The following EFCAB11 variants were observed in gnomAD, a reference collection of about 807,000 sequenced individuals.
EFCAB11 encodes the protein EF-hand calcium-binding domain-containing protein 11.
In EFCAB11, 14 loss-of-function variants were observed where a neutral mutation model predicts 23.0. That is an observed-to-expected ratio of 0.61 (90% CI 0.40 to 0.95). The LOEUF is 0.95. Among genes scored for constraint, EFCAB11 ranks in the 40% least tolerant of loss-of-function variants. The pLI is 0.00. For missense variants in EFCAB11, 198 were observed against 195.8 expected (o/e 1.01, Z -0.07); for synonymous variants, 65 against 66.6 (o/e 0.98, Z 0.11).
chr14:89,906,384 C>A (rs1249031375), intron 5 of EFCAB11, among the ~76,000 whole-genome samples: 1 of 152,060 alleles, frequency 6.6e-6, no homozygotes, highest in East Asian at 1.9e-4. Flanking sequence ...ATTCTAATGG[C>A]AGTCCTTGTA....
intron 5 of EFCAB11, among the ~76,000 whole-genome samples, chr14:89,809,184 C>T (rs1466412463): frequency 6.6e-6 from 1 of 152,204 alleles, no homozygotes; most frequent in Non-Finnish European, 1.5e-5. Flanking sequence ...TGTGCTGAAA[C>T]TGGTGTGCCA....
At chr14:89,893,802 A>C (rs569921674) in intron 5 of EFCAB11, among the ~76,000 whole-genome samples, 40 of 151,852 alleles carry the variant, frequency 2.6e-4, no homozygotes, top group South Asian at 6.2e-4. Flanking sequence ...AACAAACAAA[A>C]AAAAAGATAA....
At chr14:89,825,102 CAAAAAAAAAA>C (rs35074143) in intron 5 of EFCAB11, among the ~76,000 whole-genome samples, 2 of 60,242 alleles carry the variant, frequency 3.3e-5, no homozygotes, top group Non-Finnish European at 7.1e-5. Context: ...ATGCTGGGAC[CAAAAAAAAAA>C]AAAAAAAAAA....
intron 5 of EFCAB11, among the ~76,000 whole-genome samples, chr14:89,919,214 G>C (rs1408051759): frequency 1.3e-5 from 2 of 151,962 alleles, no homozygotes; most frequent in Non-Finnish European, 2.9e-5. Context: ...CAGAGAGAGA[G>C]AGAGAGAGAG....
intron 5 of EFCAB11, among the ~76,000 whole-genome samples, chr14:89,916,934 G>A (rs1224763763): frequency 2.0e-5 from 3 of 151,994 alleles, no homozygotes; most frequent in Admixed American, 6.6e-5. Context: ...ATTTTTTGAG[G>A]TATGACTGAC....
intron 5 of EFCAB11, chr14:89,836,367 C>A: frequency 2.9e-6 from 1 of 339,892 alleles, no homozygotes; most frequent in Non-Finnish European, 5.8e-6. Context: ...GACCACATTC[C>A]AGGTACCTGG....
intron 3 of EFCAB11, among the ~76,000 whole-genome samples, chr14:89,936,697 T>C (rs1185988660): frequency 1.3e-5 from 2 of 152,228 alleles, no homozygotes. Flanking sequence ...GAGGAGTTTT[T>C]GTTCAGCTCG....
chr14:89,837,020 C>T (rs1192010228), intron 5 of EFCAB11: 1 of 455,870 alleles, frequency 2.2e-6, no homozygotes, highest in Admixed American at 2.4e-5. Flanking sequence ...ATACACTTGC[C>T]TGAGAATCTG....
At chr14:89,816,313 T>G (rs1249800422) in intron 5 of EFCAB11, among the ~76,000 whole-genome samples, 1 of 152,154 alleles carries the variant, frequency 6.6e-6, no homozygotes, top group Non-Finnish European at 1.5e-5. Context: ...TCTAAATATG[T>G]TGTCAGCAAA....
At chr14:89,826,731 T>C (rs1326304846) in intron 5 of EFCAB11, among the ~76,000 whole-genome samples, 2 of 152,076 alleles carry the variant, frequency 1.3e-5, no homozygotes, top group Non-Finnish European at 2.9e-5. Flanking sequence ...AGAATGCCAC[T>C]AAAGGCAGAA....
At chr14:89,942,395 T>C (rs1425964439) in intron 3 of EFCAB11, among the ~76,000 whole-genome samples, 1 of 152,214 alleles carries the variant, frequency 6.6e-6, no homozygotes, top group Non-Finnish European at 1.5e-5. Context: ...AAGTATTTAT[T>C]ATTTTATTAT....
At chr14:89,873,025 T>TA (rs1888330200) in intron 5 of EFCAB11, among the ~76,000 whole-genome samples, 1 of 152,344 alleles carries the variant, frequency 6.6e-6, no homozygotes, top group South Asian at 2.1e-4. Flanking sequence ...GCCACTGTAT[T>TA]AGTCTGTTCT....
intron 5 of EFCAB11, among the ~76,000 whole-genome samples, chr14:89,827,628 C>CTTTTT (rs36007256): frequency 1.1e-4 from 12 of 105,116 alleles, no homozygotes; most frequent in East Asian, 7.0e-4. Context: ...TTTATTCACT[C>CTTTTT]TTTTTTTTTT....
intron 5 of EFCAB11, among the ~76,000 whole-genome samples, chr14:89,823,661 G>T (rs1026891943): frequency 1.1e-4 from 16 of 152,156 alleles, no homozygotes; most frequent in African/African-American, 3.4e-4. Flanking sequence ...AATAGAATTA[G>T]TTGACAAGAA....
intron 3 of EFCAB11, among the ~76,000 whole-genome samples, chr14:89,934,116 T>A (rs913699152): frequency 1.3e-5 from 2 of 152,026 alleles, no homozygotes. Context: ...CCACAGTAAA[T>A]AATTTGGGTT....
chr14:89,885,806 C>T (rs1888749584), intron 5 of EFCAB11, among the ~76,000 whole-genome samples: 1 of 148,660 alleles, frequency 6.7e-6, no homozygotes, highest in South Asian at 2.1e-4. Context: ...AAGACAGCAA[C>T]TAAAAGAAAG....
At chr14:89,909,487 G>A (rs760246830) in intron 5 of EFCAB11, among the ~76,000 whole-genome samples, 2 of 140,108 alleles carry the variant, frequency 1.4e-5, no homozygotes, top group Non-Finnish European at 3.0e-5. Context: ...GCTGAGGCAG[G>A]GAGAATAGCT....
In EFCAB11 at chr14:89,892,071, T is replaced by C. The variant is rs1888989002; in HGVS notation, c.410+39470A>G. ...AATGTGGTGGGTGTCCTGCTGGTCTTTGATGTGACAAACAGGAAGTCCTTT... is the reference window on the plus strand; with the variant it reads ...AATGTGGTGGGTGTCCTGCTGGTCTCTGATGTGACAAACAGGAAGTCCTTT... On this transcript the variant is annotated intron_variant, in intron 5 of 5. Transcript: ENST00000316738. 3.9e-6 allele frequency: 6 copies of C among 1,542,776 alleles called. No individual in the cohort carries two copies. The Admixed American group carries it at 9.9e-5, about 25-fold the overall frequency.
chr14:89,835,835 C>T (rs927575528), intron 5 of EFCAB11, among the ~76,000 whole-genome samples: 63 of 151,770 alleles, frequency 4.2e-4, no homozygotes, highest in African/African-American at 1.5e-3. Flanking sequence ...ACCATGTTGG[C>T]CAGGCTGGTC....
Sources: gnomAD v4.1 joint callset for allele counts (sites outside exome capture counted in the v4.1 genomes callset) on GRCh38, gnomAD v4.1.1 for gene constraint, MANE v1.5 for transcripts, NCBI Gene and HGNC (gene_info 2026-07-23, HGNC 2026-07-21) for gene names.